The following SLC39A4 variants were observed in gnomAD, a reference collection of about 807,000 sequenced individuals.
SLC39A4 encodes solute carrier family 39 member 4, also known as zinc transporter ZIP4.
SLC39A4 carries 49 observed loss-of-function variants against 56.6 expected under a neutral mutation model. That is an observed-to-expected ratio of 0.87 (90% CI 0.69 to 1.10). The LOEUF (loss-of-function observed/expected upper bound fraction) is 1.10, where lower values mean the gene tolerates loss of function less well. SLC39A4 is among the 50% of genes least tolerant of loss of function. The pLI is 0.00. For synonymous variants in SLC39A4, 540 were observed against 420.4 expected (o/e 1.28, Z -3.48); for missense variants, 993 against 864.2 (o/e 1.15, Z -1.87).
In SLC39A4 at chr8:144,416,296, C is replaced by T; in HGVS notation, c.193-205G>A. 2.0e-6 allele frequency: 3 copies of T among 1,525,216 alleles called. No homozygotes were observed. In the South Asian group the frequency reaches 3.6e-5, roughly 19 times the overall value. The allele number at this position is 1,525,216 out of a possible 1,614,324, so 94.5% of individuals were successfully genotyped here. ...GGGGTGCACGCAGAGGGGTCCCCAA[C>T]AGTGGTCCCCCATCCCCAGGGGACT... On this transcript the variant is annotated intron_variant, in intron 1 of 11. Transcript: ENST00000301305.
chr8:144,413,913 C>A (rs548618703), intron 7 of SLC39A4, 32 bp from the exon 8 acceptor site: 1 of 1,609,836 alleles, frequency 6.2e-7, no homozygotes, highest in East Asian at 2.2e-5. Context: ...GTCCACCAGG[C>A]CCCCAGCACA....
chr8:144,414,409 C>T lies in SLC39A4; in HGVS notation c.1002G>A (p.Thr334=), dbSNP rs149524471. The change falls in exon 6 of 12, where the codon ACG becomes ACA. Residue 334 remains threonine, a synonymous_variant. Coordinates refer to ENST00000301305, the MANE Select transcript of SLC39A4 (RefSeq NM_130849.4). The part of the protein sequence containing the change: ...SERYLYGSLA[T]LLICLCAVFG... ...AGACCGCGCAGAGGCAGATGAGCAG[C>T]GTGGCCAGGGAGCCGTACAGATACC... The T allele has an allele frequency of 1.7e-4, 266 of 1,564,930 alleles. No individual in the cohort carries two copies. The highest frequency in any genetic ancestry group is 9.3e-4 in the African/African-American group (69 of 74,054).
Position 144,414,830 on chromosome 8 carries a change from C to T in SLC39A4, c.871G>A (p.Glu291Lys). 3.7e-6 allele frequency: 6 copies of T among 1,613,192 alleles called. No individual in the cohort carries two copies. Among genetic ancestry groups the T allele is most frequent in the Non-Finnish European group, 5.1e-6 (6 of 1,179,978 alleles). The change falls in exon 5 of 12, where the codon GAG becomes AAG. Residue 291 changes from glutamate (E) to lysine (K), a missense_variant. By Grantham distance (56) the Glu-to-Lys change is moderately conservative (BLOSUM62 1). Transcript: ENST00000301305. The stretch of plus-strand genomic sequence containing the variant: ...GCAGGGCTCAGTTGGGCCCAGGCCT[C>T]CGGGGTCACCCCAGCCTGTTCCGAC... Reference protein sequence around the residue: ...GLSEQAGVTPEAWAQLSPALL... With the variant: ...GLSEQAGVTPKAWAQLSPALL...
intron 2 of SLC39A4, 81 bp from the exon 3 acceptor site, chr8:144,415,500 C>T (rs2130801415): frequency 5.5e-6 from 8 of 1,445,654 alleles, no homozygotes; most frequent in East Asian, 5.0e-5. Flanking sequence ...GCATCTCCCA[C>T]CCCAACTACA....
chr8:144,415,816 G>C lies in SLC39A4; in HGVS notation c.468C>G (p.Pro156=), dbSNP rs1439303751. The change falls in exon 2 of 12, where the codon CCC becomes CCG. Residue 156 remains proline (P), a synonymous_variant. Coordinates refer to ENST00000301305, the MANE Select transcript of SLC39A4 (RefSeq NM_130849.4). ...RMQARAAGQT[P]KMACVDIPQL... ...TGCCTGGACTCTCCCTCACCATCTT[G>C]GGGGTCTGGCCGGCAGCCCGGGCCT... 2 of 1,594,416 alleles carry C rather than the reference G, an allele frequency of 1.3e-6. No homozygotes were observed. The highest frequency in any genetic ancestry group is 2.7e-5 in the African/African-American group (2 of 74,728).
In SLC39A4 at chr8:144,415,294, C is replaced by G; in HGVS notation, c.600G>C (p.Pro200=). Residue 200 remains proline, a synonymous_variant, in exon 3 of 12, where the codon CCG becomes CCC. Coordinates refer to ENST00000301305, the MANE Select transcript of SLC39A4 (RefSeq NM_130849.4). ...CAAAGTCCACGAAGTACTGAGGGCT[C>G]GGCAAGGCGTGGAAGCAAGACCCGC... ...VRSGSCFHAL[P]SPQYFVDFVF... is the part of the protein sequence containing the mutation. 1 of 1,613,194 alleles carries G rather than the reference C, an allele frequency of 6.2e-7. No homozygotes were observed. The highest frequency in any genetic ancestry group is 8.5e-7 in the Non-Finnish European group (1 of 1,179,842).
intron 1 of SLC39A4, chr8:144,416,344 G>A: frequency 5.5e-6 from 8 of 1,466,616 alleles, no homozygotes; most frequent in South Asian, 1.4e-5. Flanking sequence ...CTGCCAATTT[G>A]ATGGCAGAGG....
chr8:144,416,563 C>T, intron 1 of SLC39A4, 35 bp downstream of exon 1: 1 of 1,548,882 alleles, frequency 6.5e-7, no homozygotes. Context: ...CGGGAAGAGG[C>T]CAGGGCTGGG....
chr8:144,413,765 G>A lies in SLC39A4; in HGVS notation c.1404C>T (p.Gly468=). The A allele has an allele frequency of 6.5e-7, 1 of 1,540,718 alleles. No individual in the cohort carries two copies. The highest frequency in any genetic ancestry group is 8.7e-7 in the Non-Finnish European group (1 of 1,148,932). The change falls in exon 8 of 12, where the codon GGC becomes GGT. Residue 468 remains glycine, a synonymous_variant. Transcript: ENST00000301305. ...GCCCACTCACCAGGTCTGCGCGGGA[G>A]CCCTCGTGGGGGGGCTTGGGCTGCC... ...ELRQPKPPHE[G]SRADLVAEES...
rs868942881 is a variant in SLC39A4 at position 144,414,519 on chromosome 8, C to T, written c.977-85G>A. 4.9e-5 allele frequency: 75 copies of T among 1,540,312 alleles called. 1 individual carries two copies. In the Middle Eastern group the frequency reaches 9.1e-4, roughly 19 times the overall value. On this transcript the variant is annotated intron_variant, in intron 5 of 11. Coordinates refer to ENST00000301305, the MANE Select transcript of SLC39A4 (RefSeq NM_130849.4). ...GGCGCTGCTCACCAGAGCTGCAGGC[C>T]GTCAGTGTGGGCCAGGCCCTCACTC...
In SLC39A4 at chr8:144,414,434, C is replaced by T. The variant is rs926549012; in HGVS notation, c.977G>A (p.Arg326Lys). Residue 326 changes from arginine to lysine, a missense_variant and splice_region_variant, in exon 6 of 12, where the codon AGG becomes AAG. Physicochemically the swap from Arg to Lys is conservative, Grantham distance 26. Coordinates refer to ENST00000301305, the MANE Select transcript of SLC39A4 (RefSeq NM_130849.4). ...CGTGGCCAGGGAGCCGTACAGATACCCTGGGGGCGGGTGAGGCGGCTGTGA... is the reference window on the plus strand; with the variant it reads ...CGTGGCCAGGGAGCCGTACAGATACTCTGGGGGCGGGTGAGGCGGCTGTGA... ...PVQDQLSQSE[R>K]YLYGSLATLL... 1 of 1,554,812 alleles carries T rather than the reference C, an allele frequency of 6.4e-7. No homozygotes were observed. Among genetic ancestry groups the T allele is most frequent in the Non-Finnish European group, 8.7e-7 (1 of 1,149,442 alleles).
chr8:144,412,873 G>T lies in SLC39A4; in HGVS notation c.1701C>A (p.Leu567=). The T allele has an allele frequency of 6.2e-7, 1 of 1,611,430 alleles. No individual in the cohort carries two copies. ...CCACGTAGAGACCAGCGAAGGCCGT[G>T]AGCGCGGAGGCCAGGTTCAGCAGCA... is the stretch of plus-strand genomic sequence containing the variant. The part of the protein sequence containing the change: ...QALLLNLASA[L]TAFAGLYVAL... The change falls in exon 11 of 12, where the codon CTC becomes CTA. Residue 567 remains leucine (L), a synonymous_variant. Coordinates refer to ENST00000301305, the MANE Select transcript of SLC39A4 (RefSeq NM_130849.4).
Position 144,414,842 on chromosome 8 carries a change from C to T in SLC39A4, c.859G>A (p.Gly287Arg), listed in dbSNP as rs1822097769. The T allele has an allele frequency of 6.2e-7, 1 of 1,613,300 alleles. No homozygotes were observed. Among genetic ancestry groups the T allele is most frequent in the Non-Finnish European group, 8.5e-7 (1 of 1,179,970 alleles). Residue 287 changes from glycine to arginine, a missense_variant, in exon 5 of 12, where the codon GGG becomes AGG. By Grantham distance (125) the Gly-to-Arg change is moderately radical. Transcript: ENST00000301305. ...TGGGCCCAGGCCTCCGGGGTCACCC[C>T]AGCCTGTTCCGACAGTCCATATGCA... Reference protein sequence around the residue: ...MAAYGLSEQAGVTPEAWAQLS... With the variant: ...MAAYGLSEQARVTPEAWAQLS...
intron 1 of SLC39A4, chr8:144,416,348 G>A (rs540974574): frequency 5.5e-6 from 8 of 1,464,000 alleles, no homozygotes; most frequent in South Asian, 4.2e-5. Context: ...CAATTTGATG[G>A]CAGAGGGCCG....
chr8:144,414,946 C>T (rs538721524), intron 4 of SLC39A4, 28 bp downstream of exon 4: 1 of 1,612,964 alleles, frequency 6.2e-7, no homozygotes, highest in South Asian at 1.1e-5. Flanking sequence ...CCCGGTGAGG[C>T]CCCATCTTAC....
rs1554873041 is a variant in SLC39A4, at chr8:144,414,378, G to A, written c.1033C>T (p.Leu345Phe). ...LLICLCAVFG[L>F]LLLTCTGCRG... ...CAGCCAGTGCAGGTCAGCAGCAGGA[G>A]GCCAAAGACCGCGCAGAGGCAGATG... The change falls in exon 6 of 12, where the codon CTC (leucine) becomes TTC (phenylalanine). Residue 345 changes from leucine to phenylalanine, a missense_variant. Physicochemically the swap from Leu to Phe is conservative, Grantham distance 22. Transcript: ENST00000301305. 2 of 1,583,022 alleles carry A rather than the reference G, an allele frequency of 1.3e-6. No homozygotes were observed. Among genetic ancestry groups the A allele is most frequent in the Non-Finnish European group, 1.7e-6 (2 of 1,165,966 alleles).
chr8:144,416,398 A>T, intron 1 of SLC39A4, 200 bp downstream of exon 1: 1 of 1,446,842 alleles, frequency 6.9e-7, no homozygotes, highest in Non-Finnish European at 9.0e-7. Context: ...GAGAAGAGGG[A>T]CTGTGTCCCT....
chr8:144,416,711 C>T lies in SLC39A4; in HGVS notation c.79G>A (p.Gly27Ser), dbSNP rs1554874160. 7 of 1,612,698 alleles carry T rather than the reference C, an allele frequency of 4.3e-6. No individual in the cohort carries two copies. Among genetic ancestry groups the T allele is most frequent in the Non-Finnish European group, 5.9e-6 (7 of 1,179,810 alleles). Residue 27 changes from glycine to serine, a missense_variant, in exon 1 of 12, where the codon GGT becomes AGT. Coordinates refer to ENST00000301305, the MANE Select transcript of SLC39A4 (RefSeq NM_130849.4). ...VVTATASPPA[G>S]LLSLLTSGQG... ...CCAGAGGTGAGCAGGCTCAGCAGAC[C>T]AGCAGGCGGGGACGCCGTCGCCGTC...
rs373461634 is a variant in SLC39A4 at position 144,413,757 on chromosome 8, G to A, written c.1412C>T (p.Ala471Val). The change falls in exon 8 of 12, where the codon GCA (alanine) becomes GTA (valine). Residue 471 changes from alanine (A) to valine (V), a missense_variant. By Grantham distance (64) the Ala-to-Val change is moderately conservative. Transcript: ENST00000301305. The part of the protein sequence containing the change: ...QPKPPHEGSR[A>V]DLVAEESPEL... ...CATCTGGCGCCCACTCACCAGGTCT[G>A]CGCGGGAGCCCTCGTGGGGGGGCTT... The A allele has an allele frequency of 9.8e-6, 15 of 1,538,438 alleles. No homozygotes were observed. The African/African-American group carries it at 2.0e-4, about 21-fold the overall frequency.
Sources: gnomAD v4.1 joint callset for allele counts on GRCh38, gnomAD v4.1.1 for gene constraint, MANE v1.5 for transcripts, NCBI Gene and HGNC (gene_info 2026-07-23, HGNC 2026-07-21) for gene names.